Variants in PTPN12 observed in about 807,000 individuals in gnomAD.
PTPN12 encodes the protein tyrosine-protein phosphatase non-receptor type 12.
PTPN12 carries 29 observed loss-of-function variants against 97.6 expected under a neutral mutation model. The ratio of observed to expected loss-of-function variants is 0.30; its 90% CI spans 0.22 to 0.41. PTPN12 has a LOEUF of 0.41. PTPN12 is among the 10% of genes least tolerant of loss of function. The pLI, the probability that PTPN12 is intolerant of heterozygous loss-of-function variation, is 1.00. For synonymous variants in PTPN12, 327 were observed against 300.4 expected (o/e 1.09, Z -0.91); for missense variants, 819 against 926.0 (o/e 0.88, Z 1.50).
At chr7:77,585,691 TG>T in intron 5 of PTPN12, 110 bp downstream of exon 5, 2 of 897,318 alleles carry the variant, frequency 2.2e-6, no homozygotes, top group South Asian at 1.7e-5. Flanking sequence ...TCTTTTATTT[TG>T]GGGTACTGCT....
At position 77,637,019 on chromosome 7, in the gene PTPN12, G is replaced by A; in HGVS notation, c.2144G>A (p.Gly715Asp). ...AGGTATTAAATGTCTTCCTCGTAGG[G>A]CTTGATAACCTCTGAAAATGAGAAA... The part of the protein sequence containing the change: ...QERSEQKKSE[G>D]LITSENEKCD... Residue 715 changes from glycine (G) to aspartate (D), a missense_variant and splice_region_variant, in exon 16 of 18, where the codon GGC becomes GAC. Transcript: ENST00000248594. The A allele has an allele frequency of 6.2e-7, 1 of 1,607,222 alleles. No homozygotes were observed. The highest frequency in any genetic ancestry group is 8.5e-7 in the Non-Finnish European group (1 of 1,175,048).
chr7:77,588,454 CCAAAA>C (rs1315602450), intron 5 of PTPN12, among the ~76,000 whole-genome samples: 1 of 152,080 alleles, frequency 6.6e-6, no homozygotes, highest in Non-Finnish European at 1.5e-5. Context: ...TTGTAGCACC[CCAAAA>C]CAGAGTAGTA....
chr7:77,565,512 G>A (rs1479445296), intron 1 of PTPN12, among the ~76,000 whole-genome samples: 1 of 152,218 alleles, frequency 6.6e-6, no homozygotes, highest in Non-Finnish European at 1.5e-5. Flanking sequence ...GCATGTTTGT[G>A]ATGCCCATTA....
In PTPN12 at chr7:77,551,035, CTTGT is replaced by C. The variant is rs1447877636; in HGVS notation, c.99+13393_99+13396del. On this transcript the variant is annotated intron_variant, in intron 1 of 17. Transcript: ENST00000248594. ...GAAATGCTTCAGGATCTTGATCCCA[CTTGT>C]TTATTTATTTATTTATTTATTATTT... Among the ~76,000 whole-genome samples, 9 of 152,094 alleles carry C rather than the reference CTTGT, an allele frequency of 5.9e-5. No individual in the cohort carries two copies. The South Asian group carries it at 1.9e-3, about 32-fold the overall frequency.
chr7:77,538,062 G>C, intron 1 of PTPN12: 16 of 998,460 alleles, frequency 1.6e-5, no homozygotes, highest in Non-Finnish European at 1.8e-5. Context: ...GGCTGTGACC[G>C]GGAGGAGTGC....
At chr7:77,546,955 G>T (rs564801875) in intron 1 of PTPN12, among the ~76,000 whole-genome samples, 6 of 152,206 alleles carry the variant, frequency 3.9e-5, no homozygotes, top group Non-Finnish European at 7.3e-5. Context: ...ATGAGATTTG[G>T]TGGGGACACA....
chr7:77,630,394 T>C, intron 13 of PTPN12, among the ~76,000 whole-genome samples: 1 of 152,200 alleles, frequency 6.6e-6, no homozygotes, highest in East Asian at 1.9e-4. Context: ...AGTTTTGCCA[T>C]TGTGTGAATG....
intron 2 of PTPN12, among the ~76,000 whole-genome samples, chr7:77,578,875 A>G (rs1787420079): frequency 6.6e-6 from 1 of 152,198 alleles, no homozygotes; most frequent in African/African-American, 2.4e-5. Flanking sequence ...CTTACTAACT[A>G]TAAAAGGGAA....
intron 17 of PTPN12, 128 bp downstream of exon 17, chr7:77,638,859 T>G (rs980049453): frequency 7.4e-7 from 1 of 1,353,388 alleles, no homozygotes; most frequent in Middle Eastern, 2.7e-4. Context: ...CTTGGACTAG[T>G]CATGAAATAA....
At chr7:77,635,880 G>A in intron 15 of PTPN12, 31 bp downstream of exon 15, 1 of 1,457,730 alleles carries the variant, frequency 6.9e-7, no homozygotes, top group Non-Finnish European at 9.4e-7. Context: ...AACAGTTATA[G>A]CTTAACATTT....
intron 11 of PTPN12, 92 bp downstream of exon 11, chr7:77,611,138 T>C: frequency 1.0e-6 from 1 of 964,032 alleles, no homozygotes; most frequent in Non-Finnish European, 1.6e-6. Context: ...GTGTTTTGTC[T>C]AACATGAGAA....
At chr7:77,636,284 CA>C (rs1321143314) in intron 15 of PTPN12, among the ~76,000 whole-genome samples, 5 of 151,822 alleles carry the variant, frequency 3.3e-5, no homozygotes, top group African/African-American at 1.2e-4. Context: ...AATGTTTTGG[CA>C]ATTAAATATT....
intron 5 of PTPN12, among the ~76,000 whole-genome samples, chr7:77,587,540 AG>A (rs1787731619): frequency 6.6e-6 from 1 of 152,254 alleles, no homozygotes; most frequent in Admixed American, 6.5e-5. Flanking sequence ...GAGGACAGAC[AG>A]AGTACATTTG....
At chr7:77,577,636 A>G (rs1787383274) in intron 2 of PTPN12, among the ~76,000 whole-genome samples, 1 of 152,192 alleles carries the variant, frequency 6.6e-6, no homozygotes. Context: ...GAATGATACT[A>G]AAATTCACAT....
At chr7:77,568,976 G>A (rs968744090) in intron 1 of PTPN12, among the ~76,000 whole-genome samples, 1 of 152,054 alleles carries the variant, frequency 6.6e-6, no homozygotes, top group African/African-American at 2.4e-5. Flanking sequence ...GTAACCATGA[G>A]GATCTTTGTT....
chr7:77,585,189 AATAT>A (rs1049420762), intron 4 of PTPN12: 2 of 153,702 alleles, frequency 1.3e-5, no homozygotes, highest in African/African-American at 4.8e-5. Flanking sequence ...AATAATTATA[AATAT>A]ATTTTTAATT....
intron 5 of PTPN12, among the ~76,000 whole-genome samples, chr7:77,586,484 G>A (rs1255179290): frequency 1.3e-5 from 2 of 152,140 alleles, no homozygotes; most frequent in Non-Finnish European, 2.9e-5. Flanking sequence ...TTTGGGAGGT[G>A]GAGGTGGGAG....
intron 1 of PTPN12, among the ~76,000 whole-genome samples, chr7:77,570,465 G>GTAT (rs1808423857): frequency 6.6e-6 from 1 of 152,182 alleles, no homozygotes; most frequent in Non-Finnish European, 1.5e-5. Context: ...AGCAGGAAGT[G>GTAT]TATTACTGAC....
At chr7:77,596,650 G>A (rs1159173032) in intron 6 of PTPN12, among the ~76,000 whole-genome samples, 3 of 152,140 alleles carry the variant, frequency 2.0e-5, no homozygotes, top group Admixed American at 6.5e-5. Flanking sequence ...AGGCTAAAGC[G>A]ATCCGTCCAC....
Sources: allele counts gnomAD v4.1 joint callset (sites outside exome capture counted in the v4.1 genomes callset), GRCh38; gene constraint gnomAD v4.1.1; transcripts MANE v1.5; gene names NCBI Gene and HGNC (gene_info 2026-07-23, HGNC 2026-07-21).